The following COL6A5 variants were observed in gnomAD, a reference collection of about 807,000 sequenced individuals.
The protein encoded by COL6A5 is collagen alpha-5(VI) chain.
In COL6A5, 48 loss-of-function variants were observed where a neutral mutation model predicts 65.6. The ratio of observed to expected loss-of-function variants is 0.73; its 90% CI spans 0.58 to 0.93. The LOEUF is 0.93. Among genes scored for constraint, COL6A5 ranks in the 40% least tolerant of loss-of-function variants. The pLI, the probability that COL6A5 is intolerant of heterozygous loss-of-function variation, is 0.00. For synonymous variants in COL6A5, 291 were observed against 322.8 expected (o/e 0.90, Z 1.05); for missense variants, 914 against 928.3 (o/e 0.98, Z 0.20).
At chr3:130,440,292 T>C (rs1472209658) in exon 3 of COL6A5, 4 of 1,613,226 alleles carry the variant, frequency 2.5e-6, no homozygotes. Context: ...GTGAAAGCCT[T>C]GGTGAGCTCA....
exon 7 of COL6A5, chr3:130,391,362 A>G (rs1162887501): frequency 6.4e-7 from 1 of 1,551,578 alleles, no homozygotes; most frequent in African/African-American, 1.4e-5. Flanking sequence ...ATCCTTTTCT[A>G]CCTTAATACA....
At chr3:130,384,602 G>T (rs1936114207) in intron 4 of COL6A5, among the ~76,000 whole-genome samples, 1 of 151,988 alleles carries the variant, frequency 6.6e-6, no homozygotes, top group Non-Finnish European at 1.5e-5. Context: ...ACTACATTTT[G>T]CCCTGTTTCA....
intron 1 of COL6A5, among the ~76,000 whole-genome samples, chr3:130,362,434 C>A (rs1935175378): frequency 6.7e-6 from 1 of 150,326 alleles, no homozygotes; most frequent in Non-Finnish European, 1.5e-5. Context: ...TTGTCAAAGA[C>A]CAGTTGACTG....
intron 5 of COL6A5, among the ~76,000 whole-genome samples, chr3:130,458,719 C>A (rs1709632705): frequency 6.6e-6 from 1 of 152,072 alleles, no homozygotes; most frequent in African/African-American, 2.4e-5. Context: ...ATAATTTTAT[C>A]TTATTCAAGA....
At chr3:130,377,811 T>C (rs900530699) in intron 3 of COL6A5, among the ~76,000 whole-genome samples, 2 of 152,206 alleles carry the variant, frequency 1.3e-5, no homozygotes, top group Non-Finnish European at 2.9e-5. Context: ...TGGCACACTG[T>C]TTACTATTAT....
At chr3:130,371,348 C>G (rs533656319) in intron 1 of COL6A5, among the ~76,000 whole-genome samples, 10 of 151,356 alleles carry the variant, frequency 6.6e-5, no homozygotes, top group African/African-American at 2.4e-4. Context: ...TATAGAAATG[C>G]ACAGGGCTCA....
At chr3:130,378,171 C>G (rs893811917) in intron 3 of COL6A5, among the ~76,000 whole-genome samples, 2 of 152,104 alleles carry the variant, frequency 1.3e-5, no homozygotes, top group Non-Finnish European at 2.9e-5. Context: ...TAACCAACTG[C>G]TTACCTGGCA....
chr3:130,395,157 C>T (rs1221231935), exon 8 of COL6A5: 1 of 1,551,634 alleles, frequency 6.4e-7, no homozygotes, highest in African/African-American at 1.4e-5. Context: ...ATTGACTTTG[C>T]CCTTAAAAAA....
intron 1 of COL6A5, 25 bp from the exon 34 acceptor site, chr3:130,439,495 CAT>C (rs1709119227): frequency 7.3e-6 from 11 of 1,510,996 alleles, no homozygotes; most frequent in Non-Finnish European, 9.9e-6. Flanking sequence ...AATGAGCAAA[CAT>C]GCGTTCACTT....
chr3:130,399,974 G>T (rs1450863864), intron 10 of COL6A5, among the ~76,000 whole-genome samples: 1 of 150,890 alleles, frequency 6.6e-6, no homozygotes, highest in African/African-American at 2.4e-5. Flanking sequence ...TGACCAGTTC[G>T]CTGGTCACAA....
intron 1 of COL6A5, among the ~76,000 whole-genome samples, chr3:130,360,165 T>C (rs1935060283): frequency 6.6e-6 from 1 of 152,094 alleles, no homozygotes; most frequent in Non-Finnish European, 1.5e-5. Flanking sequence ...AATTACATGC[T>C]CTTCCTAGAC....
At chr3:130,443,240 C>T (rs1210424318) in intron 3 of COL6A5, among the ~76,000 whole-genome samples, 1 of 152,132 alleles carries the variant, frequency 6.6e-6, no homozygotes, top group African/African-American at 2.4e-5. Flanking sequence ...CTTAGATGAA[C>T]AATTTGAGGA....
At chr3:130,482,560 GT>G (rs1710278688) in intron 7 of COL6A5, among the ~76,000 whole-genome samples, 2 of 152,174 alleles carry the variant, frequency 1.3e-5, no homozygotes, top group East Asian at 3.9e-4. Flanking sequence ...ATTTAAAGTA[GT>G]TTTTTTCTAA....
upstream of COL6A5, among the ~76,000 whole-genome samples, chr3:130,427,087 C>T (rs548712248): frequency 6.3e-4 from 96 of 152,204 alleles, 4 homozygotes; most frequent in South Asian, 0.012. Context: ...AATATATCAT[C>T]TTCTGAGAAA....
At chr3:130,469,540 T>C in intron 6 of COL6A5, 59 bp downstream of exon 38, 2 of 1,336,556 alleles carry the variant, frequency 1.5e-6, no homozygotes, top group East Asian at 2.4e-5. Context: ...CTGTGTACAG[T>C]CCATCAGCAG....
intron 13 of COL6A5, 147 bp from the exon 14 acceptor site, chr3:130,405,441 T>C (rs1936952993): frequency 3.5e-6 from 2 of 578,070 alleles, no homozygotes; most frequent in Non-Finnish European, 6.3e-6. Flanking sequence ...TGAGTGAGGA[T>C]TCACTTTTGA....
chr3:130,484,063 G>A, exon 8 of COL6A5: 1 of 1,606,766 alleles, frequency 6.2e-7, no homozygotes, highest in East Asian at 2.2e-5. Context: ...CATCATAGGA[G>A]AAAAGAAGAT....
In COL6A5 at chr3:130,376,574, C is replaced by T. The variant is rs564327718; in HGVS notation, c.405C>T (p.Pro135=). ...ATGGGAGAGACAGGAAACAGTTTCC[C>T]CCAATTTTGGTGGTCCTGGCTTCGG... Residue 135 remains proline, a synonymous_variant and NMD_transcript_variant, in exon 3 of 42, where the codon CCC becomes CCT. Coordinates refer to the COL6A5 transcript ENST00000312481. 9 of 1,605,982 alleles carry T rather than the reference C, an allele frequency of 5.6e-6. No individual in the cohort carries two copies. The African/African-American group carries it at 9.4e-5, about 17-fold the overall frequency.
At chr3:130,368,256 C>T (rs1460899661) in intron 1 of COL6A5, among the ~76,000 whole-genome samples, 1 of 152,202 alleles carries the variant, frequency 6.6e-6, no homozygotes, top group Non-Finnish European at 1.5e-5. Flanking sequence ...TGCATAGATC[C>T]TTACTTTATC....
Sources: allele counts gnomAD v4.1 joint callset (sites outside exome capture counted in the v4.1 genomes callset), GRCh38; gene constraint gnomAD v4.1.1; transcripts MANE v1.5; gene names NCBI Gene and HGNC (gene_info 2026-07-23, HGNC 2026-07-21).